Variants in SAMD8 observed in about 807,000 individuals in gnomAD.
The protein encoded by SAMD8 is sterile alpha motif domain containing 8.
Under a neutral mutation model 42.0 loss-of-function variants are expected in SAMD8, and 20 were observed. The observed-to-expected ratio is 0.48, with a 90% CI of 0.34 to 0.69. The LOEUF is 0.69. Among genes scored for constraint, SAMD8 ranks in the 30% least tolerant of loss-of-function variants. The probability of loss-of-function intolerance (pLI) is 0.01; values close to 1 mark genes in which losing one functional copy is unlikely to be tolerated. For missense variants in SAMD8, 328 were observed against 511.6 expected (o/e 0.64, Z 3.46); for synonymous variants, 162 against 173.0 (o/e 0.94, Z 0.50).
chr10:75,104,095 G>C, intron 1 of SAMD8: 3 of 1,347,180 alleles, frequency 2.2e-6, no homozygotes, highest in Non-Finnish European at 3.0e-6. Flanking sequence ...GTAAGGACCA[G>C]CTCTGGAAGA....
intron 4 of SAMD8, among the ~76,000 whole-genome samples, chr10:75,173,566 A>G (rs918709847): frequency 1.3e-5 from 2 of 152,162 alleles, no homozygotes; most frequent in African/African-American, 4.8e-5. Flanking sequence ...ACATTTTCCT[A>G]CCAGTCTCTT....
intron 4 of SAMD8, among the ~76,000 whole-genome samples, chr10:75,171,041 G>T (rs1355258873): frequency 6.6e-6 from 1 of 151,470 alleles, no homozygotes. Context: ...GATTACAGGT[G>T]TGAGCCACAG....
rs1203345800 is a variant in SAMD8, at chr10:75,180,028, T to C, written c.*3336T>C. 1 of 152,058 alleles carries C rather than the reference T, an allele frequency of 6.6e-6. No individual in the cohort carries two copies. The highest frequency in any genetic ancestry group is 2.4e-5 in the African/African-American group (1 of 41,416). The allele number at this position is 152,058 out of a possible 1,614,324, so 9.4% of individuals were successfully genotyped here. ...GCCTTTTTTTTTCTTTTCCTTTTTT[T>C]TTTTTAAAGACCAGGTAGGGTAGTG... On this transcript the variant is annotated 3_prime_UTR_variant, in exon 6 of 6. Coordinates refer to ENST00000542569, the MANE Select transcript of SAMD8 (RefSeq NM_001174156.2).
chr10:75,173,443 G>T (rs531044951), intron 4 of SAMD8, among the ~76,000 whole-genome samples: 11 of 152,040 alleles, frequency 7.2e-5, no homozygotes, highest in African/African-American at 2.7e-4. Context: ...ATTCTGCTCC[G>T]TTGTGTTTCA....
chr10:75,108,237 G>T, upstream of SAMD8: 1 of 1,567,442 alleles, frequency 6.4e-7, no homozygotes, highest in South Asian at 1.2e-5. Flanking sequence ...GGCACTTGAT[G>T]CCGGCCAAGC....
chr10:75,117,385 G>T (rs1848908847), intron 1 of SAMD8, among the ~76,000 whole-genome samples: 1 of 151,396 alleles, frequency 6.6e-6, no homozygotes, highest in Non-Finnish European at 1.5e-5. Flanking sequence ...TTGCGCCACT[G>T]CACTCCAGCC....
chr10:75,101,914 C>G, intron 1 of SAMD8: 6 of 1,367,690 alleles, frequency 4.4e-6, no homozygotes, highest in Non-Finnish European at 4.9e-6. Flanking sequence ...ACGGGCAGTT[C>G]GTGCTGCTGG....
intron 1 of SAMD8, among the ~76,000 whole-genome samples, chr10:75,118,066 C>A (rs1052460865): frequency 6.6e-6 from 1 of 152,122 alleles, no homozygotes; most frequent in Non-Finnish European, 1.5e-5. Context: ...TATATGACAA[C>A]TTTTTTTGAG....
intron 4 of SAMD8, among the ~76,000 whole-genome samples, chr10:75,171,166 T>G (rs1457419360): frequency 8.4e-6 from 1 of 119,280 alleles, no homozygotes; most frequent in Non-Finnish European, 1.7e-5. Flanking sequence ...TTTTCTTTTT[T>G]TTTTTTTTTT....
intron 1 of SAMD8, chr10:75,105,705 C>G (rs373934068): frequency 9.7e-6 from 15 of 1,551,966 alleles, no homozygotes; most frequent in Non-Finnish European, 1.3e-5. Flanking sequence ...GCTGGTCCAG[C>G]CTGCAGAGCT....
At chr10:75,151,654 G>A (rs1376931955) in intron 2 of SAMD8, among the ~76,000 whole-genome samples, 1 of 151,806 alleles carries the variant, frequency 6.6e-6, no homozygotes, top group Non-Finnish European at 1.5e-5. Flanking sequence ...GGCCTGGACT[G>A]CTTAATTTAT....
Position 75,144,107 on chromosome 10 carries a change from AC to A in SAMD8, c.-15-6406del, listed in dbSNP as rs534782227. ...CTCAGCCTCCAGAGTAGCTGGGATT[AC>A]AGGCACCCGCCACCATGCCAGGCTC... is the stretch of plus-strand genomic sequence containing the variant. On this transcript the variant is annotated intron_variant, in intron 1 of 5. Transcript: ENST00000542569. Among the ~76,000 whole-genome samples, 44 of 151,586 alleles carry A rather than the reference AC, an allele frequency of 2.9e-4. 2 individuals carry two copies. In the South Asian group the frequency reaches 8.9e-3, roughly 31 times the overall value.
chr10:75,173,281 A>G (rs1330916611), intron 4 of SAMD8, among the ~76,000 whole-genome samples: 1 of 152,234 alleles, frequency 6.6e-6, no homozygotes, highest in South Asian at 2.1e-4. Flanking sequence ...AGTGAATTCC[A>G]TAAGGTAGTT....
chr10:75,106,586 C>T (rs1017192289), intron 1 of SAMD8, among the ~76,000 whole-genome samples: 2 of 152,208 alleles, frequency 1.3e-5, no homozygotes, highest in African/African-American at 2.4e-5. Context: ...CCCACCTTCC[C>T]GATCCTCTGG....
chr10:75,109,247 G>A (rs1848706204), upstream of SAMD8: 1 of 1,421,090 alleles, frequency 7.0e-7, no homozygotes, highest in Middle Eastern at 2.3e-4. Context: ...ACAGGGACAG[G>A]TGACAGAAGC....
chr10:75,122,484 G>A (rs1849026714), intron 1 of SAMD8, among the ~76,000 whole-genome samples: 1 of 151,948 alleles, frequency 6.6e-6, no homozygotes, highest in African/African-American at 2.4e-5. Flanking sequence ...CGTGGTGGGG[G>A]CACCAGTAAT....
intron 1 of SAMD8, among the ~76,000 whole-genome samples, chr10:75,119,345 C>CG (rs1276641135): frequency 1.3e-5 from 2 of 151,966 alleles, no homozygotes; most frequent in African/African-American, 4.8e-5. Context: ...TTAGTAGAGA[C>CG]GGGGTTTCTC....
chr10:75,101,949 C>G (rs1334087189), intron 1 of SAMD8: 2 of 1,367,778 alleles, frequency 1.5e-6, no homozygotes, highest in South Asian at 2.3e-5. Flanking sequence ...TCTCCGCACA[C>G]TTGATGCTGT....
intron 1 of SAMD8, among the ~76,000 whole-genome samples, chr10:75,122,090 TCA>T (rs1278656234): frequency 1.3e-5 from 2 of 152,306 alleles, no homozygotes; most frequent in East Asian, 3.8e-4. Context: ...CAAAATCATA[TCA>T]CATCATTTTC....
Sources: allele counts gnomAD v4.1 joint callset (sites outside exome capture counted in the v4.1 genomes callset), GRCh38; gene constraint gnomAD v4.1.1; transcripts MANE v1.5; gene names NCBI Gene and HGNC (gene_info 2026-07-23, HGNC 2026-07-21).